Variants in EGFR observed in about 807,000 individuals in gnomAD.
EGFR encodes epidermal growth factor receptor, also known as avian erythroblastic leukemia viral (v-erb-b) oncogene homolog.
EGFR carries 58 observed loss-of-function variants against 143.0 expected under a neutral mutation model. The observed-to-expected ratio is 0.41, with a 90% confidence interval of 0.33 to 0.50. The LOEUF (loss-of-function observed/expected upper bound fraction) is 0.50, where lower values mean the gene tolerates loss of function less well. Among genes scored for constraint, EGFR ranks in the 20% least tolerant of loss-of-function variants. The pLI, the probability that EGFR is intolerant of heterozygous loss-of-function variation, is 0.39. For missense variants in EGFR, 1,307 were observed against 1,579.0 expected, an observed-to-expected ratio of 0.83 and a Z score of 2.92; for synonymous variants, 613 against 594.4, an observed-to-expected ratio of 1.03 and a Z score of -0.45.
At chr7:55,168,003 T>C (rs1405399469) in intron 15 of EGFR, among the ~76,000 whole-genome samples, 1 of 152,230 alleles carries the variant, frequency 6.6e-6, no homozygotes, top group Non-Finnish European at 1.5e-5. Context: ...AGTACTCACC[T>C]ATACCTAGTT....
chr7:55,196,203 T>C, intron 22 of EGFR, among the ~76,000 whole-genome samples: 1 of 150,680 alleles, frequency 6.6e-6, no homozygotes, highest in South Asian at 2.1e-4. Context: ...TACTTTTCAA[T>C]AATAGCCATC....
chr7:55,154,586 A>G (rs1785319564), intron 7 of EGFR, among the ~76,000 whole-genome samples: 1 of 152,252 alleles, frequency 6.6e-6, no homozygotes, highest in Admixed American at 6.5e-5. Flanking sequence ...TGCCTTCTTG[A>G]GTGGTTAAAA....
rs1787068145 is a variant in EGFR at position 55,028,564 on chromosome 7, G to T, written c.88+9199G>T. On this transcript the variant is annotated intron_variant, in intron 1 of 27. Transcript: ENST00000275493. ...ATTGAATACCTGAAAGCTTTCAGGA[G>T]ATTTTATTACAATGGTTTCTATTCA... is the stretch of plus-strand genomic sequence containing the variant. Among the ~76,000 whole-genome samples the T allele has an allele frequency of 2.0e-5, 3 of 152,246 alleles. No homozygotes were observed. In the East Asian group the frequency reaches 5.8e-4, roughly 29 times the overall value.
At chr7:55,028,858 CA>C (rs1787088906) in intron 1 of EGFR, among the ~76,000 whole-genome samples, 1 of 152,146 alleles carries the variant, frequency 6.6e-6, no homozygotes, top group Admixed American at 6.6e-5. Context: ...AAACATATGA[CA>C]GATAAACAAA....
chr7:55,106,986 T>C (rs2128905114), intron 1 of EGFR, among the ~76,000 whole-genome samples: 1 of 152,316 alleles, frequency 6.6e-6, no homozygotes, highest in Middle Eastern at 3.4e-3. Flanking sequence ...ACATATATAT[T>C]GCCAACTTTG....
intron 4 of EGFR, among the ~76,000 whole-genome samples, chr7:55,149,207 TG>T (rs1562759144): frequency 6.6e-6 from 1 of 152,156 alleles, no homozygotes; most frequent in East Asian, 1.9e-4. Flanking sequence ...AGGAAAATAT[TG>T]TGCAATGTCT....
At chr7:55,028,251 C>T in intron 1 of EGFR, among the ~76,000 whole-genome samples, 1 of 151,966 alleles carries the variant, frequency 6.6e-6, no homozygotes, top group Admixed American at 6.6e-5. Context: ...CTTTCCTTTA[C>T]TCCAGGTTTT....
intron 19 of EGFR, chr7:55,179,839 C>T (rs845557): frequency 0.84 from 127,143 of 152,216 alleles, 53,345 homozygotes; most frequent in Non-Finnish European, 0.86. Flanking sequence ...AGCATTTGCA[C>T]TGTATTAGGT....
In EGFR at chr7:55,207,499, C is replaced by T. The variant is rs1006547865; in HGVS notation, c.*1882C>T. On this transcript the variant is annotated 3_prime_UTR_variant, in exon 28 of 28. Coordinates refer to ENST00000275493, the MANE Select transcript of EGFR (RefSeq NM_005228.5). The stretch of plus-strand genomic sequence containing the variant: ...TTAAAACAACGTGACAAATGCCAGA[C>T]AGGACCCATCAGCCAGGCACTGTGA... The T allele has an allele frequency of 5.5e-6, 1 of 180,792 alleles. No homozygotes were observed. The highest frequency in any genetic ancestry group is 1.2e-5 in the Non-Finnish European group (1 of 84,596). The allele number at this position is 180,792 out of a possible 1,614,324, so 11.2% of individuals were successfully genotyped here. A position where few individuals can be genotyped will look rare whatever the true frequency, so the allele number is the denominator to read the frequency against.
chr7:55,127,968 C>T (rs1793626878), intron 1 of EGFR, among the ~76,000 whole-genome samples: 1 of 152,236 alleles, frequency 6.6e-6, no homozygotes, highest in South Asian at 2.1e-4. Flanking sequence ...TCAACATGTT[C>T]TGTCAGATTG....
At chr7:55,183,085 C>T (rs1360143350) in intron 20 of EGFR, among the ~76,000 whole-genome samples, 1 of 152,178 alleles carries the variant, frequency 6.6e-6, no homozygotes, top group Non-Finnish European at 1.5e-5. Flanking sequence ...GCCTCTCTGG[C>T]TTCTGGTGGC....
chr7:55,200,665 C>A (rs2128970554), intron 24 of EGFR: 1 of 571,476 alleles, frequency 1.7e-6, no homozygotes, highest in Non-Finnish European at 3.2e-6. Flanking sequence ...TCCTCACTGT[C>A]CGGCTAGCCA....
chr7:55,174,362 G>A (rs1391798094), intron 18 of EGFR, among the ~76,000 whole-genome samples: 1 of 152,232 alleles, frequency 6.6e-6, no homozygotes, highest in Non-Finnish European at 1.5e-5. Flanking sequence ...CAGCCCAGCT[G>A]AAATGGGCTC....
At chr7:55,164,333 T>C (rs186344696) in intron 14 of EGFR, among the ~76,000 whole-genome samples, 1 of 152,286 alleles carries the variant, frequency 6.6e-6, no homozygotes, top group East Asian at 1.9e-4. Flanking sequence ...ACACCAAATG[T>C]CCTGATGTTG....
chr7:55,049,211 T>C (rs1788344408), intron 1 of EGFR, among the ~76,000 whole-genome samples: 2 of 152,200 alleles, frequency 1.3e-5, no homozygotes, highest in Non-Finnish European at 2.9e-5. Flanking sequence ...AGATTGGACA[T>C]AGGAATAACG....
chr7:55,021,958 C>T (rs927283825), intron 1 of EGFR, among the ~76,000 whole-genome samples: 1 of 152,154 alleles, frequency 6.6e-6, no homozygotes, highest in Non-Finnish European at 1.5e-5. Flanking sequence ...CTGCCTTGTC[C>T]GAGTTCTGGT....
chr7:55,171,419 AGG>A (rs1417476500), intron 16 of EGFR, among the ~76,000 whole-genome samples: 2 of 152,298 alleles, frequency 1.3e-5, no homozygotes, highest in East Asian at 3.9e-4. Context: ...TCCTCAGTGG[AGG>A]GAAAGTTGGA....
intron 4 of EGFR, among the ~76,000 whole-genome samples, chr7:55,150,270 G>A (rs1196477487): frequency 2.6e-5 from 4 of 152,214 alleles, no homozygotes; most frequent in Non-Finnish European, 2.9e-5. Flanking sequence ...GCACGCCTGC[G>A]TAGGACCTTG....
chr7:55,146,620 G>A lies in EGFR; in HGVS notation c.439G>A (p.Ala147Thr), dbSNP rs532655845. Residue 147 changes from alanine (A) to threonine (T), a missense_variant, in exon 4 of 28, where the codon GCC becomes ACC. This residue lies in a region of EGFR where 311 missense variants were observed against 412.3 expected (regional missense o/e 0.75). Transcript: ENST00000275493. ...MRNLQEILHG[A>T]VRFSNNPALC... is the part of the protein sequence containing the mutation. ...TTCTCCCGCAGAAATCCTGCATGGC[G>A]CCGTGCGGTTCAGCAACAACCCTGC... is the stretch of plus-strand genomic sequence containing the variant. The A allele has an allele frequency of 5.0e-6, 8 of 1,614,066 alleles. No homozygotes were observed. In the East Asian group the frequency reaches 6.7e-5, roughly 13 times the overall value.
Sources: allele counts gnomAD v4.1 joint callset (sites outside exome capture counted in the v4.1 genomes callset), GRCh38; gene constraint gnomAD v4.1.1; regional missense constraint gnomAD v4.1.1; transcripts MANE v1.5; gene names NCBI Gene and HGNC (gene_info 2026-07-23, HGNC 2026-07-21).